The following MSH4 variants were observed in gnomAD, a reference collection of about 807,000 sequenced individuals.
The protein encoded by MSH4 is mutS protein homolog 4.
A neutral mutation model predicts 113.7 loss-of-function variants in MSH4; 106 were observed. The observed-to-expected ratio is 0.93, with a 90% CI of 0.80 to 1.10. The LOEUF (loss-of-function observed/expected upper bound fraction) is 1.10. MSH4 is among the 50% of genes least tolerant of loss of function. The probability of loss-of-function intolerance (pLI) is 0.00; values close to 1 mark genes in which losing one functional copy is unlikely to be tolerated. For synonymous variants in MSH4, 368 were observed against 380.2 expected, an observed-to-expected ratio of 0.97 and a Z score of 0.37; for missense variants, 1,061 against 1,093.7, an observed-to-expected ratio of 0.97 and a Z score of 0.42.
At chr1:75,907,950 T>C (rs1652704617) in intron 19 of MSH4, among the ~76,000 whole-genome samples, 1 of 150,230 alleles carries the variant, frequency 6.7e-6, no homozygotes. Flanking sequence ...GCTGAAGTGA[T>C]CTGCCTGCCT....
At chr1:75,848,529 G>A (rs1205154547) in intron 8 of MSH4, among the ~76,000 whole-genome samples, 1 of 152,130 alleles carries the variant, frequency 6.6e-6, no homozygotes, top group African/African-American at 2.4e-5. Flanking sequence ...GGAGGTCAAG[G>A]CAGTTCAAGA....
At chr1:75,798,852 C>A (rs1399844462) in intron 1 of MSH4, among the ~76,000 whole-genome samples, 1 of 152,152 alleles carries the variant, frequency 6.6e-6, no homozygotes, top group Non-Finnish European at 1.5e-5. Context: ...GCCACTGCAC[C>A]TAGCCCTCAA....
intron 6 of MSH4, among the ~76,000 whole-genome samples, chr1:75,821,193 A>G (rs1650400520): frequency 6.6e-6 from 1 of 151,542 alleles, no homozygotes; most frequent in Non-Finnish European, 1.5e-5. Context: ...AACAGAAATT[A>G]TAACAAACTG....
chr1:75,870,771 G>A (rs1651696262), intron 9 of MSH4, among the ~76,000 whole-genome samples: 1 of 152,036 alleles, frequency 6.6e-6, no homozygotes, highest in Non-Finnish European at 1.5e-5. Flanking sequence ...GTCTTTCTTA[G>A]CAGCATGAGA....
chr1:75,859,162 T>G (rs1651394678), intron 8 of MSH4, among the ~76,000 whole-genome samples: 1 of 152,214 alleles, frequency 6.6e-6, no homozygotes, highest in African/African-American at 2.4e-5. Context: ...CTTTTATTCT[T>G]TATTAGTCTT....
chr1:75,892,607 A>G (rs1050730187), intron 17 of MSH4, among the ~76,000 whole-genome samples: 1 of 152,212 alleles, frequency 6.6e-6, no homozygotes, highest in African/African-American at 2.4e-5. Flanking sequence ...AAACTAATGA[A>G]TATAATGAAA....
intron 8 of MSH4, among the ~76,000 whole-genome samples, chr1:75,851,506 GCTT>G (rs1215561562): frequency 6.6e-6 from 1 of 152,064 alleles, no homozygotes. Context: ...CTGTCTCCCG[GCTT>G]CAAGTGATTC....
At chr1:75,888,346 T>G (rs1020150074) in intron 15 of MSH4, among the ~76,000 whole-genome samples, 6 of 152,020 alleles carry the variant, frequency 3.9e-5, no homozygotes, top group Admixed American at 3.3e-4. Flanking sequence ...TTAGATTTTA[T>G]TCTATATTGA....
intron 15 of MSH4, among the ~76,000 whole-genome samples, chr1:75,886,608 A>T (rs1463033732): frequency 1.7e-5 from 2 of 116,884 alleles, no homozygotes; most frequent in African/African-American, 6.9e-5. Context: ...TATATTATAT[A>T]ATGTATAATA....
rs775164074 is a variant in MSH4, at chr1:75,815,053, C to T, written c.732C>T (p.Tyr244=). Residue 244 remains tyrosine (Y), a synonymous_variant, in exon 5 of 20, where the codon TAC becomes TAT. Coordinates refer to ENST00000263187, the MANE Select transcript of MSH4 (RefSeq NM_002440.4). ...ATTTCACTACTATCCAAAGGAAATA[C>T]TTCAATGAAACAAAAGGATTAGAGT... ...NVNFTTIQRK[Y]FNETKGLEYI... 67 of 1,601,344 alleles carry T rather than the reference C, an allele frequency of 4.2e-5. No individual in the cohort carries two copies. The highest frequency in any genetic ancestry group is 5.6e-5 in the Non-Finnish European group (66 of 1,172,028).
chr1:75,846,095 AGAG>A (rs1187636287), intron 7 of MSH4, among the ~76,000 whole-genome samples: 4 of 103,264 alleles, frequency 3.9e-5, no homozygotes, highest in Middle Eastern at 4.3e-3. Flanking sequence ...TTAAGGAAGC[AGAG>A]TTCCAAGGTG....
chr1:75,881,471 A>C, intron 14 of MSH4, 101 bp downstream of exon 14: 1 of 1,230,638 alleles, frequency 8.1e-7, no homozygotes, highest in South Asian at 1.4e-5. Flanking sequence ...TTTTAACTTG[A>C]AATAGAGTCT....
intron 9 of MSH4, among the ~76,000 whole-genome samples, chr1:75,874,530 C>T (rs1253017573): frequency 1.3e-5 from 2 of 152,136 alleles, no homozygotes; most frequent in African/African-American, 2.4e-5. Flanking sequence ...CTATGTTACG[C>T]AGGCTGGTCT....
chr1:75,804,790 G>A (rs541300567), intron 2 of MSH4, among the ~76,000 whole-genome samples: 19 of 150,158 alleles, frequency 1.3e-4, no homozygotes, highest in African/African-American at 4.7e-4. Context: ...TTACAGGCAT[G>A]AGCCACTGTG....
At chr1:75,885,023 A>ATGTGTGTGTG (rs764938661) in intron 15 of MSH4, among the ~76,000 whole-genome samples, 11 of 122,204 alleles carry the variant, frequency 9.0e-5, no homozygotes, top group African/African-American at 1.8e-4. Context: ...GTGTGTATAT[A>ATGTGTGTGTG]TATATATGTG....
chr1:75,830,889 C>A (rs560789330), intron 7 of MSH4, among the ~76,000 whole-genome samples: 2 of 152,238 alleles, frequency 1.3e-5, no homozygotes, highest in South Asian at 4.1e-4. Context: ...AACTGACGAG[C>A]AAAATCACCA....
intron 10 of MSH4, among the ~76,000 whole-genome samples, 158 bp downstream of exon 10, chr1:75,877,158 A>G (rs997574141): frequency 2.2e-4 from 34 of 152,086 alleles, no homozygotes; most frequent in African/African-American, 8.0e-4. Context: ...TGTACATTTC[A>G]CATTATAAGT....
intron 7 of MSH4, among the ~76,000 whole-genome samples, chr1:75,833,746 A>G (rs1388231458): frequency 6.6e-6 from 1 of 152,202 alleles, no homozygotes; most frequent in Non-Finnish European, 1.5e-5. Context: ...GAAACCTGAA[A>G]CTGGATCCCT....
At chr1:75,886,498 G>C (rs868551133) in intron 15 of MSH4, among the ~76,000 whole-genome samples, 1 of 91,252 alleles carries the variant, frequency 1.1e-5, no homozygotes, top group African/African-American at 4.4e-5. Flanking sequence ...TATTATATAT[G>C]ATGTATTATA....
Sources: allele counts gnomAD v4.1 joint callset (sites outside exome capture counted in the v4.1 genomes callset), GRCh38; gene constraint gnomAD v4.1.1; transcripts MANE v1.5; gene names NCBI Gene and HGNC (gene_info 2026-07-23, HGNC 2026-07-21).